Variants in PAPPA observed in about 807,000 individuals in gnomAD.
PAPPA encodes the protein pappalysin-1.
PAPPA carries 60 observed loss-of-function variants against 164.0 expected under a neutral mutation model. The ratio of observed to expected loss-of-function variants is 0.37; its 90% CI spans 0.30 to 0.45. PAPPA has a LOEUF of 0.45. Ranked by LOEUF, PAPPA falls within the 20% of genes least tolerant of loss-of-function variation. The pLI is 1.00. For synonymous variants in PAPPA, 875 were observed against 814.1 expected (o/e 1.07, Z -1.27); for missense variants, 1,782 against 2,087.3 (o/e 0.85, Z 2.85).
At chr9:116,332,788 T>C (rs889886329) in intron 12 of PAPPA, 15 of 214,384 alleles carry the variant, frequency 7.0e-5, no homozygotes, top group Admixed American at 1.6e-4. Context: ...TTCCCCGTTG[T>C]ACATGTCACC....
At chr9:116,338,499 T>A (rs1846093072) in intron 13 of PAPPA, among the ~76,000 whole-genome samples, 1 of 152,194 alleles carries the variant, frequency 6.6e-6, no homozygotes, top group African/African-American at 2.4e-5. Context: ...TGAGACCCCA[T>A]GTGTAGAATA....
chr9:116,274,369 G>A (rs567338696), intron 9 of PAPPA, among the ~76,000 whole-genome samples: 23 of 152,292 alleles, frequency 1.5e-4, no homozygotes, highest in Non-Finnish European at 2.9e-4. Context: ...TACATTCCAA[G>A]GACAAATCGT....
rs530904785 is a variant in PAPPA, at chr9:116,365,341, G to A, written c.4496-2304G>A. 7.0e-4 allele frequency among the ~76,000 whole-genome samples: 106 copies of A among 152,088 alleles called. 1 individual carries two copies. The highest frequency in any genetic ancestry group is 6.9e-3 in the South Asian group (33 of 4,802). On this transcript the variant is annotated intron_variant, in intron 18 of 21. Coordinates refer to ENST00000328252, the MANE Select transcript of PAPPA (RefSeq NM_002581.5). The stretch of plus-strand genomic sequence containing the variant: ...TGCCACCAGGGCTGCCACCCTCCCC[G>A]CGCCTCCCGGGAAGGAGACGCGGAG...
chr9:116,385,383 T>A (rs528388787), intron 21 of PAPPA, among the ~76,000 whole-genome samples: 5 of 152,250 alleles, frequency 3.3e-5, no homozygotes, highest in Admixed American at 2.0e-4. Context: ...TCTGACCTCA[T>A]GATCCACCCA....
intron 20 of PAPPA, among the ~76,000 whole-genome samples, chr9:116,382,148 AT>A (rs139205955): frequency 0.021 from 3,171 of 152,302 alleles, 60 homozygotes; most frequent in African/African-American, 0.042. Context: ...GTCTCTCAGC[AT>A]AACCATACTC....
intron 1 of PAPPA, among the ~76,000 whole-genome samples, chr9:116,181,058 C>G (rs1466057486): frequency 6.6e-6 from 1 of 152,188 alleles, no homozygotes; most frequent in Non-Finnish European, 1.5e-5. Flanking sequence ...CCTTGCTCTA[C>G]TCAAAACAGC....
At chr9:116,257,716 G>C (rs1360648564) in intron 7 of PAPPA, among the ~76,000 whole-genome samples, 1 of 151,874 alleles carries the variant, frequency 6.6e-6, no homozygotes, top group Non-Finnish European at 1.5e-5. Flanking sequence ...AACAAAAAAA[G>C]TCTGAGGATT....
intron 9 of PAPPA, among the ~76,000 whole-genome samples, 160 bp from the exon 10 acceptor site, chr9:116,302,597 C>CT (rs910654845): frequency 6.6e-5 from 10 of 151,186 alleles, no homozygotes; most frequent in African/African-American, 9.7e-5. Flanking sequence ...GAATTTCCTT[C>CT]TTTTTTTTTC....
chr9:116,361,522 C>T (rs1334015333), intron 17 of PAPPA, among the ~76,000 whole-genome samples: 2 of 152,124 alleles, frequency 1.3e-5, no homozygotes, highest in Admixed American at 6.5e-5. Context: ...TTTGCACACG[C>T]CCTTCCATCT....
At chr9:116,330,262 T>C (rs1845972299) in intron 10 of PAPPA, among the ~76,000 whole-genome samples, 1 of 152,162 alleles carries the variant, frequency 6.6e-6, no homozygotes, top group African/African-American at 2.4e-5. Flanking sequence ...ACCTCACCGA[T>C]TTCAAGGACA....
At chr9:116,350,931 G>A (rs1846273128) in intron 15 of PAPPA, among the ~76,000 whole-genome samples, 1 of 152,152 alleles carries the variant, frequency 6.6e-6, no homozygotes, top group Non-Finnish European at 1.5e-5. Context: ...CCCCTATGGG[G>A]TTTACAGACA....
chr9:116,235,075 A>T (rs1432399805), intron 6 of PAPPA, 64 bp from the exon 7 acceptor site: 1 of 1,594,280 alleles, frequency 6.3e-7, no homozygotes, highest in Non-Finnish European at 8.6e-7. Flanking sequence ...GGTCCACAGG[A>T]AACTCTAAGG....
At position 116,347,298 on chromosome 9, in the gene PAPPA, AC is replaced by A; in HGVS notation, c.3964+91del. 8.6e-7 allele frequency: 1 copy of A among 1,163,190 alleles called. No individual in the cohort carries two copies. The highest frequency in any genetic ancestry group is 1.2e-6 in the Non-Finnish European group (1 of 821,924). The allele number at this position is 1,163,190 out of a possible 1,614,324, so 72.1% of individuals were successfully genotyped here. ...CAGGCCCTCTTTCTGGGTCTCAAACACCAAGGGTGGGATGGGTTTTATCTAT... is the reference window on the plus strand; with the variant it reads ...CAGGCCCTCTTTCTGGGTCTCAAACACAAGGGTGGGATGGGTTTTATCTAT... On this transcript the variant is annotated intron_variant, in intron 15 of 21. Coordinates refer to ENST00000328252, the MANE Select transcript of PAPPA (RefSeq NM_002581.5). The surrounding 1 kb of genome is among the most constrained non-coding windows in gnomAD (Gnocchi z 4.5).
chr9:116,181,653 A>T (rs1284770303), intron 1 of PAPPA, among the ~76,000 whole-genome samples: 1 of 152,260 alleles, frequency 6.6e-6, no homozygotes, highest in Non-Finnish European at 1.5e-5. Context: ...CATGGCAGCA[A>T]GCTTGGGAAG....
At chr9:116,304,221 C>A (rs561572041) in intron 10 of PAPPA, among the ~76,000 whole-genome samples, 6 of 152,320 alleles carry the variant, frequency 3.9e-5, no homozygotes, top group African/African-American at 9.6e-5. Context: ...TCTTTGAGAA[C>A]AAGTTTCAGT....
At chr9:116,341,890 T>C (rs1846142651) in intron 13 of PAPPA, among the ~76,000 whole-genome samples, 1 of 152,248 alleles carries the variant, frequency 6.6e-6, no homozygotes, top group African/African-American at 2.4e-5. Flanking sequence ...GTCAGACAAC[T>C]GATAAATGGC....
Position 116,347,317 on chromosome 9 carries a change from T to TTATC in PAPPA, c.3964+112_3964+115dup, listed in dbSNP as rs1323660287. 1.6e-5 allele frequency: 14 copies of TTATC among 881,470 alleles called. No individual in the cohort carries two copies. Among genetic ancestry groups the TTATC allele is most frequent in the Non-Finnish European group, 2.4e-5 (14 of 578,836 alleles). The allele number at this position is 881,470 out of a possible 1,614,324, so 54.6% of individuals were successfully genotyped here. The stretch of plus-strand genomic sequence containing the variant: ...TCAAACACCAAGGGTGGGATGGGTT[T>TTATC]TATCTATGCTCCTGACTTCTTCCTA... On this transcript the variant is annotated intron_variant, in intron 15 of 21. Transcript: ENST00000328252. This position sits in a 1 kb window ranked among gnomAD's most constrained non-coding sequence, Gnocchi z 4.5.
intron 1 of PAPPA, among the ~76,000 whole-genome samples, chr9:116,170,253 G>T (rs1269552718): frequency 6.6e-6 from 1 of 152,150 alleles, no homozygotes; most frequent in Admixed American, 6.5e-5. Context: ...GTGATAATGA[G>T]AATGTTGATG....
At chr9:116,236,586 C>CA (rs35004875) in intron 7 of PAPPA, among the ~76,000 whole-genome samples, 9,947 of 84,582 alleles carry the variant, frequency 0.12, 540 homozygotes, top group South Asian at 0.27. Flanking sequence ...AACTCCATCT[C>CA]AAAAAAAAAA....
Sources: gnomAD v4.1 joint callset for allele counts (sites outside exome capture counted in the v4.1 genomes callset) on GRCh38, gnomAD v4.1.1 for gene constraint, Gnocchi (gnomAD v3.1) non-coding constraint, MANE v1.5 for transcripts, NCBI Gene and HGNC (gene_info 2026-07-23, HGNC 2026-07-21) for gene names.